Variants in DSCAML1 observed in about 807,000 individuals in gnomAD.
The protein encoded by DSCAML1 is DS cell adhesion molecule like 1, also known as cell adhesion molecule DSCAML1.
In DSCAML1, 38 loss-of-function variants were observed where a neutral mutation model predicts 200.5. The observed-to-expected ratio is 0.19, with a 90% CI of 0.15 to 0.25. The LOEUF (loss-of-function observed/expected upper bound fraction) is 0.25, where lower values mean the gene tolerates loss of function less well. Among genes scored for constraint, DSCAML1 ranks in the 10% least tolerant of loss-of-function variants. The pLI, the probability that DSCAML1 is intolerant of heterozygous loss-of-function variation, is 1.00. For missense variants in DSCAML1, 2,223 were observed against 2,858.8 expected (o/e 0.78, Z 5.07); for synonymous variants, 1,215 against 1,165.0 (o/e 1.04, Z -0.87).
intron 3 of DSCAML1, among the ~76,000 whole-genome samples, chr11:117,682,661 G>C (rs1591395387): frequency 6.6e-6 from 1 of 151,554 alleles, no homozygotes; most frequent in African/African-American, 2.4e-5. Context: ...GCTGGAAAAG[G>C]ATTCTTCCAA....
chr11:117,638,416 A>T (rs1331129066), intron 3 of DSCAML1, among the ~76,000 whole-genome samples: 1 of 151,856 alleles, frequency 6.6e-6, no homozygotes, highest in Admixed American at 6.6e-5. Flanking sequence ...ATTCACCCAT[A>T]CAAAATGTAC....
rs1315544424 is a variant in DSCAML1, at chr11:117,516,995, C to T, written c.1511-256G>A. On this transcript the variant is annotated intron_variant, in intron 7 of 32. Coordinates refer to ENST00000651296, the MANE Select transcript of DSCAML1 (RefSeq NM_020693.4). The surrounding 1 kb of genome is among the most constrained non-coding windows in gnomAD (Gnocchi z 5.7). ...GAGTTGCAAACGGACGCAGTATATACATGCCTTGGCCAAGAGCCATTCCCC... is the reference window on the plus strand; with the variant it reads ...GAGTTGCAAACGGACGCAGTATATATATGCCTTGGCCAAGAGCCATTCCCC... 6.6e-6 allele frequency among the ~76,000 whole-genome samples: 1 copy of T among 152,210 alleles called. No homozygotes were observed. The highest frequency in any genetic ancestry group is 2.4e-5 in the African/African-American group (1 of 41,460).
At chr11:117,529,430 C>T (rs560361211) in intron 4 of DSCAML1, among the ~76,000 whole-genome samples, 39 of 152,216 alleles carry the variant, frequency 2.6e-4, no homozygotes, top group Non-Finnish European at 2.2e-4. Context: ...AGCAGGAGTA[C>T]ATTTTGTTAC....
At chr11:117,809,591 T>C (rs1318516283) in intron 1 of DSCAML1, among the ~76,000 whole-genome samples, 4 of 152,122 alleles carry the variant, frequency 2.6e-5, no homozygotes, top group Admixed American at 1.3e-4. Context: ...TTCACCCCAG[T>C]CATGTCTCGC....
rs1193774555 is a variant in DSCAML1 at position 117,642,276 on chromosome 11, G to GC, written c.512-109755dup. On this transcript the variant is annotated intron_variant, in intron 3 of 32. Transcript: ENST00000651296. The surrounding 1 kb of genome is among the most constrained non-coding windows in gnomAD (Gnocchi z 4.1). The stretch of plus-strand genomic sequence containing the variant: ...CAAGGAGTGCTTTCATCCCCACAGT[G>GC]CCCCTCTGAGGCTCTGAACCACTCT... 6.6e-6 allele frequency among the ~76,000 whole-genome samples: 1 copy of GC among 152,104 alleles called. No individual in the cohort carries two copies. The highest frequency in any genetic ancestry group is 1.5e-5 in the Non-Finnish European group (1 of 68,018).
In DSCAML1 at chr11:117,602,437, T is replaced by C. The variant is rs552660869; in HGVS notation, c.512-69915A>G. Among the ~76,000 whole-genome samples, 24 of 152,280 alleles carry C rather than the reference T, an allele frequency of 1.6e-4. No homozygotes were observed. The South Asian group carries it at 4.8e-3, about 30-fold the overall frequency. Reference sequence around the variant, plus strand: ...GTGCAAAGGTGCAATCTCAGTTCACTGCAACCTCCGCCTCCTAGGTTCAAG... The same window carrying C: ...GTGCAAAGGTGCAATCTCAGTTCACCGCAACCTCCGCCTCCTAGGTTCAAG... On this transcript the variant is annotated intron_variant, in intron 3 of 32. Coordinates refer to ENST00000651296, the MANE Select transcript of DSCAML1 (RefSeq NM_020693.4).
chr11:117,708,001 G>A (rs1340150892), intron 3 of DSCAML1, among the ~76,000 whole-genome samples: 1 of 152,186 alleles, frequency 6.6e-6, no homozygotes, highest in East Asian at 1.9e-4. Context: ...CATGAAGACT[G>A]CATTAGGGCA....
chr11:117,680,044 C>A (rs746837066), intron 3 of DSCAML1, among the ~76,000 whole-genome samples: 41 of 152,190 alleles, frequency 2.7e-4, no homozygotes, highest in Non-Finnish European at 5.0e-4. Context: ...TGTCACCTCT[C>A]TGGGCTTTCC....
intron 11 of DSCAML1, among the ~76,000 whole-genome samples, chr11:117,502,846 AC>A (rs2049422430): frequency 1.3e-5 from 2 of 151,988 alleles, no homozygotes; most frequent in African/African-American, 4.8e-5. Context: ...TACGAGCCCA[AC>A]CCCCCGCTCA....
chr11:117,744,656 C>CG (rs985229069), intron 3 of DSCAML1, among the ~76,000 whole-genome samples: 2 of 152,180 alleles, frequency 1.3e-5, no homozygotes, highest in Middle Eastern at 3.2e-3. Context: ...GCCAGAGCCC[C>CG]GGGGGGCAAA....
intron 3 of DSCAML1, among the ~76,000 whole-genome samples, chr11:117,756,211 T>C (rs992417307): frequency 2.0e-5 from 3 of 152,124 alleles, no homozygotes; most frequent in African/African-American, 7.2e-5. Context: ...GGAAGGAAGG[T>C]CACTCAACAT....
chr11:117,512,781 A>C (rs142769643), intron 8 of DSCAML1, among the ~76,000 whole-genome samples: 1,755 of 148,966 alleles, frequency 0.012, 39 homozygotes, highest in African/African-American at 0.042. Flanking sequence ...ACACACACAC[A>C]CACACACACA....
At chr11:117,773,601 A>G (rs2055078834) in intron 3 of DSCAML1, among the ~76,000 whole-genome samples, 1 of 152,062 alleles carries the variant, frequency 6.6e-6, no homozygotes, top group Non-Finnish European at 1.5e-5. Flanking sequence ...GAATATGGTT[A>G]GTGGAAAAAA....
chr11:117,443,766 C>T, intron 21 of DSCAML1, 120 bp downstream of exon 21: 1 of 1,407,694 alleles, frequency 7.1e-7, no homozygotes, highest in Non-Finnish European at 9.5e-7. Flanking sequence ...GTGGCCAGTT[C>T]CTCACAGCTG....
rs549949509 is a variant in DSCAML1 at position 117,555,928 on chromosome 11, T to C, written c.512-23406A>G. Among the ~76,000 whole-genome samples, 108 of 149,386 alleles carry C rather than the reference T, an allele frequency of 7.2e-4. 1 individual carries two copies. Among genetic ancestry groups the C allele is most frequent in the African/African-American group, 2.5e-3 (102 of 40,456 alleles). On this transcript the variant is annotated intron_variant, in intron 3 of 32. Transcript: ENST00000651296. ...CAGCAGGAAGCCAGGGGGGAGCTTA[T>C]TCCAAGGGTCCTTGAGGAGGGGCGG...
intron 21 of DSCAML1, among the ~76,000 whole-genome samples, chr11:117,440,324 C>A (rs537531808): frequency 6.6e-6 from 1 of 152,212 alleles, no homozygotes; most frequent in African/African-American, 2.4e-5. Flanking sequence ...GAATGCTGCC[C>A]ATAAGTGGGC....
chr11:117,548,242 T>C (rs921402524), intron 3 of DSCAML1, among the ~76,000 whole-genome samples: 3 of 152,216 alleles, frequency 2.0e-5, no homozygotes, highest in African/African-American at 4.8e-5. Flanking sequence ...ACAGCCTTCT[T>C]GGGCTAAGGG....
chr11:117,622,336 A>C (rs1405390783), intron 3 of DSCAML1, among the ~76,000 whole-genome samples: 1 of 152,132 alleles, frequency 6.6e-6, no homozygotes, highest in Admixed American at 6.5e-5. Flanking sequence ...GTAAGATGTA[A>C]ATTTTTATTT....
chr11:117,568,264 A>G (rs1166974726), intron 3 of DSCAML1, among the ~76,000 whole-genome samples: 1 of 152,170 alleles, frequency 6.6e-6, no homozygotes, highest in Admixed American at 6.5e-5. Context: ...CACAGCCAAT[A>G]TCATACTGAA....
Sources: allele counts gnomAD v4.1 joint callset (sites outside exome capture counted in the v4.1 genomes callset), GRCh38; gene constraint gnomAD v4.1.1; non-coding constraint Gnocchi (gnomAD v3.1); transcripts MANE v1.5; gene names NCBI Gene and HGNC (gene_info 2026-07-23, HGNC 2026-07-21).